Variants in MLKL observed in about 807,000 individuals in gnomAD.
MLKL encodes the protein mixed lineage kinase domain like pseudokinase, also known as mixed lineage kinase domain-like protein.
In MLKL, 55 loss-of-function variants were observed where a neutral mutation model predicts 56.5. The observed-to-expected ratio is 0.97, with a 90% confidence interval of 0.78 to 1.22. The LOEUF is 1.22. MLKL is among the 50% of genes most tolerant of loss of function. The pLI is 0.00. For synonymous variants in MLKL, 251 were observed against 208.3 expected, an observed-to-expected ratio of 1.20 and a Z score of -1.76; for missense variants, 694 against 573.9, an observed-to-expected ratio of 1.21 and a Z score of -2.14.
At chr16:74,692,795 C>T (rs1056453832) in intron 2 of MLKL, among the ~76,000 whole-genome samples, 2 of 152,256 alleles carry the variant, frequency 1.3e-5, no homozygotes, top group Non-Finnish European at 2.9e-5. Flanking sequence ...GGAGAGTCCC[C>T]TGGACTTTGC....
At chr16:74,680,467 G>A (rs971051143) in intron 6 of MLKL, among the ~76,000 whole-genome samples, 1 of 152,042 alleles carries the variant, frequency 6.6e-6, no homozygotes, top group African/African-American at 2.4e-5. Flanking sequence ...AAGAAAGTCT[G>A]CGTTTGGTAT....
intron 4 of MLKL, among the ~76,000 whole-genome samples, chr16:74,686,977 T>C: frequency 6.6e-6 from 1 of 152,178 alleles, no homozygotes; most frequent in South Asian, 2.1e-4. Context: ...TTGTTTTGTT[T>C]TGTTTGTTTG....
At chr16:74,695,938 T>C (rs903396390) in intron 1 of MLKL, among the ~76,000 whole-genome samples, 179 bp from the exon 2 acceptor site, 2 of 152,310 alleles carry the variant, frequency 1.3e-5, no homozygotes, top group East Asian at 1.9e-4. Flanking sequence ...TGCACAATAA[T>C]AGAGTTGTAG....
chr16:74,690,711 G>A (rs1216574541), intron 4 of MLKL, among the ~76,000 whole-genome samples: 1 of 146,666 alleles, frequency 6.8e-6, no homozygotes, highest in African/African-American at 2.5e-5. Context: ...GAGCCCAGGA[G>A]GTTAAGGCTG....
chr16:74,697,585 C>A (rs1567622836), intron 1 of MLKL, among the ~76,000 whole-genome samples: 1 of 152,130 alleles, frequency 6.6e-6, no homozygotes, highest in Non-Finnish European at 1.5e-5. Context: ...TACCCGTAAT[C>A]CCAACATTTT....
chr16:74,677,846 T>C (rs1959698111), intron 7 of MLKL: 1 of 152,344 alleles, frequency 6.6e-6, no homozygotes, highest in Admixed American at 6.5e-5. Context: ...ACCCGGCTAA[T>C]TTTTTGTATT....
At chr16:74,673,612 G>A (rs560694819) in intron 10 of MLKL, among the ~76,000 whole-genome samples, 7 of 152,202 alleles carry the variant, frequency 4.6e-5, no homozygotes, top group African/African-American at 1.7e-4. Context: ...ACAGTGTAAG[G>A]AAGCTATGGA....
chr16:74,690,833 T>C (rs971774495), intron 4 of MLKL, among the ~76,000 whole-genome samples: 41 of 138,032 alleles, frequency 3.0e-4, no homozygotes, highest in Non-Finnish European at 9.2e-5. Flanking sequence ...ATCTTCACCA[T>C]GGATGGCAGA....
At chr16:74,678,172 T>C (rs1959720365) in intron 7 of MLKL, 1 of 152,412 alleles carries the variant, frequency 6.6e-6, no homozygotes, top group Non-Finnish European at 1.5e-5. Flanking sequence ...CCTGGATGAC[T>C]GCGAGGACTC....
At chr16:74,676,606 C>A (rs376938421) in intron 7 of MLKL, 1 of 367,816 alleles carries the variant, frequency 2.7e-6, no homozygotes, top group Non-Finnish European at 3.8e-6. Context: ...GCATGAAGAG[C>A]GTGAGAGTAG....
rs1315923994 is a variant in MLKL at position 74,672,671 on chromosome 16, C to T, written c.1382-133G>A. 16 of 749,076 alleles carry T rather than the reference C, an allele frequency of 2.1e-5. 1 individual carries two copies. Among genetic ancestry groups the T allele is most frequent in the African/African-American group, 5.3e-5 (3 of 56,926 alleles). The allele number at this position is 749,076 out of a possible 1,614,324, so 46.4% of individuals were successfully genotyped here. A position where few individuals can be genotyped will look rare whatever the true frequency, so the allele number is the denominator to read the frequency against. ...CTGGTCTGGCTGGTGCCTGAACCAC[C>T]ATCAGCACTCACACATTTGGGATAT... On this transcript the variant is annotated intron_variant, in intron 10 of 10. Coordinates refer to ENST00000308807, the MANE Select transcript of MLKL (RefSeq NM_152649.4).
At chr16:74,699,285 A>G (rs1224037987) in intron 1 of MLKL, among the ~76,000 whole-genome samples, 1 of 152,230 alleles carries the variant, frequency 6.6e-6, no homozygotes, top group Non-Finnish European at 1.5e-5. Flanking sequence ...TAAAACATCT[A>G]CTGACATATT....
intron 1 of MLKL, among the ~76,000 whole-genome samples, chr16:74,700,145 T>A (rs1961299337): frequency 6.6e-6 from 1 of 152,124 alleles, no homozygotes; most frequent in South Asian, 2.1e-4. Context: ...TCTCACTCTG[T>A]CTCTCTCTCA....
intron 2 of MLKL, among the ~76,000 whole-genome samples, chr16:74,693,902 C>G (rs759455045): frequency 3.3e-5 from 5 of 151,792 alleles, no homozygotes; most frequent in African/African-American, 1.2e-4. Context: ...CCCGCCTGGC[C>G]GAAATGGTAA....
intron 2 of MLKL, among the ~76,000 whole-genome samples, chr16:74,693,427 C>T (rs1326421010): frequency 2.0e-4 from 26 of 130,132 alleles, no homozygotes; most frequent in African/African-American, 7.5e-4. Flanking sequence ...AAGATCGTGT[C>T]ACTGCACTCC....
At chr16:74,675,201 A>C in intron 9 of MLKL, 101 bp from the exon 10 acceptor site, 3 of 1,558,244 alleles carry the variant, frequency 1.9e-6, no homozygotes, top group Non-Finnish European at 2.6e-6. Context: ...CTGAGTATGG[A>C]AACAACAAGA....
intron 1 of MLKL, among the ~76,000 whole-genome samples, chr16:74,698,162 G>A (rs1961163037): frequency 6.6e-6 from 1 of 152,098 alleles, no homozygotes; most frequent in Non-Finnish European, 1.5e-5. Flanking sequence ...CCATGATTGT[G>A]CCACTGACTC....
At chr16:74,680,116 G>A (rs1757294838) in intron 6 of MLKL, among the ~76,000 whole-genome samples, 1 of 152,164 alleles carries the variant, frequency 6.6e-6, no homozygotes, top group Admixed American at 6.6e-5. Context: ...ACTTTCAGCT[G>A]TCTATAAGGG....
intron 10 of MLKL, among the ~76,000 whole-genome samples, chr16:74,674,390 C>T (rs574926629): frequency 7.3e-5 from 11 of 151,584 alleles, no homozygotes; most frequent in Admixed American, 3.3e-4. Flanking sequence ...TGAGCTCAGG[C>T]GATCCACCCA....
Sources: gnomAD v4.1 joint callset for allele counts (sites outside exome capture counted in the v4.1 genomes callset) on GRCh38, gnomAD v4.1.1 for gene constraint, MANE v1.5 for transcripts, NCBI Gene and HGNC (gene_info 2026-07-23, HGNC 2026-07-21) for gene names.